The following SH2D3A variants were observed in gnomAD, a reference collection of about 807,000 sequenced individuals.
The protein encoded by SH2D3A is SH2 domain-containing protein 3A.
A neutral mutation model predicts 50.6 loss-of-function variants in SH2D3A; 46 were observed. That is an observed-to-expected ratio of 0.91 (90% CI 0.72 to 1.16). The LOEUF (loss-of-function observed/expected upper bound fraction) is 1.16. SH2D3A is among the 50% of genes most tolerant of loss of function. The probability of loss-of-function intolerance (pLI) is 0.00; values close to 1 mark genes in which losing one functional copy is unlikely to be tolerated. For synonymous variants in SH2D3A, 377 were observed against 348.4 expected (o/e 1.08, Z -0.91); for missense variants, 783 against 786.2 (o/e 1.00, Z 0.05).
rs568064266 is a variant in SH2D3A, at chr19:6,753,482, C to A, written c.1544G>T (p.Arg515Leu). The stretch of plus-strand genomic sequence containing the variant: ...TCGCAGGCGCTGGGCTGCCACCTTG[C>A]GGAATTTGGGTGCGTCCCGGACCAT... ...RHMVRDAPKF[R>L]KVAAQRLRGF... The change falls in exon 9 of 10, where the codon CGC (arginine) becomes CTC (leucine). Residue 515 changes from arginine (R) to leucine (L), a missense_variant. Coordinates refer to ENST00000245908, the MANE Select transcript of SH2D3A (RefSeq NM_005490.3). 5.2e-6 allele frequency: 8 copies of A among 1,526,876 alleles called. No homozygotes were observed. The highest frequency in any genetic ancestry group is 7.1e-6 in the Non-Finnish European group (8 of 1,131,914). 94.6% of individuals were successfully genotyped at this position (1,526,876 alleles called of 1,614,324 possible).
rs774107336 is a variant in SH2D3A, at chr19:6,755,123, G to A, written c.689C>T (p.Thr230Met). The change falls in exon 5 of 10, where the codon ACG becomes ATG. Residue 230 changes from threonine to methionine, a missense_variant. Thr to Met is a moderately conservative substitution (Grantham distance 81). Coordinates refer to ENST00000245908, the MANE Select transcript of SH2D3A (RefSeq NM_005490.3). ...CACTCGGGGCACCAGCTCGCAGTAC[G>A]TCGGGGGACGTTCAGAGGCATCAGG... ...ELPDASERPP[T>M]YCELVPRVPS... The A allele has an allele frequency of 3.7e-6, 6 of 1,613,908 alleles. No individual in the cohort carries two copies. Among genetic ancestry groups the A allele is most frequent in the East Asian group, 2.2e-5 (1 of 44,850 alleles).
intron 2 of SH2D3A, among the ~76,000 whole-genome samples, chr19:6,761,965 CA>C (rs759411762): frequency 1.1e-3 from 111 of 101,590 alleles, no homozygotes; most frequent in Admixed American, 1.7e-3. Flanking sequence ...AAAAAAAAAA[CA>C]AAAAAAAAAA....
Position 6,759,621 on chromosome 19 carries a change from G to T in SH2D3A, c.469C>A (p.Arg157=). Residue 157 remains arginine, a synonymous_variant, in exon 4 of 10, where the codon CGG becomes AGG. Transcript: ENST00000245908. ...SQPADLAHMG[R]SREDPAGMEA... is the part of the protein sequence containing the mutation. ...ATCCCAGCGGGGTCTTCTCTTGACC[G>T]CCCCATATGTGCCAAATCTGCAGGC... The T allele has an allele frequency of 6.2e-7, 1 of 1,613,822 alleles. No individual in the cohort carries two copies. Among genetic ancestry groups the T allele is most frequent in the Non-Finnish European group, 8.5e-7 (1 of 1,179,854 alleles).
chr19:6,752,423 T>C lies in SH2D3A; in HGVS notation c.*170A>G, dbSNP rs1054060. On this transcript the variant is annotated 3_prime_UTR_variant, in exon 10 of 10. Coordinates refer to ENST00000245908, the MANE Select transcript of SH2D3A (RefSeq NM_005490.3). ...TGGCCTCTGATGCCAGATCTGCAGG[T>C]CACATGTTCACCATGGTCCAGGTGA... The C allele has an allele frequency of 0.21, 103,999 of 495,044 alleles. 11,797 individuals are homozygous for C. Among genetic ancestry groups the C allele is most frequent in the African/African-American group, 0.36 (18,249 of 50,896 alleles). The allele number at this position is 495,044 out of a possible 1,614,324, so 30.7% of individuals were successfully genotyped here.
intron 2 of SH2D3A, among the ~76,000 whole-genome samples, chr19:6,763,118 C>T (rs1345933131): frequency 6.6e-6 from 1 of 151,866 alleles, no homozygotes; most frequent in Admixed American, 6.6e-5. Context: ...GTCTGGAGTG[C>T]AGTGGCACAA....
At chr19:6,761,956 AAAAAAAAAC>A (rs576720738) in intron 2 of SH2D3A, among the ~76,000 whole-genome samples, 14,846 of 140,986 alleles carry the variant, frequency 0.11, 766 homozygotes, top group African/African-American at 0.16. Flanking sequence ...CTCAAAAACA[AAAAAAAAAC>A]AAAAAAAAAA....
intron 4 of SH2D3A, among the ~76,000 whole-genome samples, chr19:6,755,751 G>A (rs1371662902): frequency 1.3e-5 from 2 of 151,918 alleles, no homozygotes; most frequent in African/African-American, 4.8e-5. Flanking sequence ...CTGACTGAAA[G>A]ATGGTAAGCA....
chr19:6,760,750 A>T lies in SH2D3A; in HGVS notation c.307T>A (p.Ser103Thr), dbSNP rs1969966397. The T allele has an allele frequency of 1.2e-6, 2 of 1,613,900 alleles. No individual in the cohort carries two copies. Among genetic ancestry groups the T allele is most frequent in the African/African-American group, 2.7e-5 (2 of 74,926 alleles). Residue 103 changes from serine to threonine, a missense_variant, in exon 3 of 10, where the codon TCC (serine) becomes ACC (threonine). Physicochemically the swap from Ser to Thr is moderately conservative, Grantham distance 58. Coordinates refer to ENST00000245908, the MANE Select transcript of SH2D3A (RefSeq NM_005490.3). ...GAGACCACAGCCCCTGTGGCCTGGG[A>T]CAGTGGGCGCCTGCCTGTCATATAA... ...HSYMTGRRPLSQATGAVVSRP... is the reference protein window; with the variant it reads ...HSYMTGRRPLTQATGAVVSRP...
In SH2D3A at chr19:6,753,622, C is replaced by T. The variant is rs1969457839; in HGVS notation, c.1404G>A (p.Glu468=). 1 of 1,583,770 alleles carries T rather than the reference C, an allele frequency of 6.3e-7. No homozygotes were observed. Among genetic ancestry groups the T allele is most frequent in the East Asian group, 2.3e-5 (1 of 44,094 alleles). Residue 468 remains glutamate (E), a synonymous_variant, in exon 9 of 10, where the codon GAG becomes GAA. Transcript: ENST00000245908. ...TGGGTGCCACGTGCGGCAGCGCCAC[C>T]TCGCCGGGGTCGCAGGGTCCTGCGG... The part of the protein sequence containing the change: ...DEGAGPCDPG[E]VALPHVAPMV...
chr19:6,766,669 T>C (rs1416407549), intron 1 of SH2D3A, among the ~76,000 whole-genome samples: 2 of 152,022 alleles, frequency 1.3e-5, no homozygotes, highest in Non-Finnish European at 2.9e-5. Flanking sequence ...ACTAAGGAGA[T>C]TAAAGCTCGG....
Position 6,760,779 on chromosome 19 carries a change from T to C in SH2D3A, c.278A>G (p.His93Arg). 6.2e-7 allele frequency: 1 copy of C among 1,614,176 alleles called. No homozygotes were observed. Among genetic ancestry groups the C allele is most frequent in the Non-Finnish European group, 8.5e-7 (1 of 1,180,034 alleles). The change falls in exon 3 of 10, where the codon CAC (histidine) becomes CGC (arginine). Residue 93 changes from histidine to arginine, a missense_variant. Transcript: ENST00000245908. ...EQFPSIPALV[H>R]SYMTGRRPLS... ...TGGGCGCCTGCCTGTCATATAACTG[T>C]GAACCAGAGCCGGTATGCTGGGGAA...
intron 1 of SH2D3A, among the ~76,000 whole-genome samples, chr19:6,766,746 A>G (rs961665420): frequency 6.6e-6 from 1 of 152,226 alleles, no homozygotes; most frequent in Non-Finnish European, 1.5e-5. Flanking sequence ...CACAAGATGA[A>G]TGGAGAAGAC....
intron 4 of SH2D3A, 60 bp downstream of exon 4, chr19:6,759,534 C>A (rs1027700651): frequency 6.7e-7 from 1 of 1,499,900 alleles, no homozygotes; most frequent in African/African-American, 1.4e-5. Flanking sequence ...ACCAAGATCT[C>A]TTAGGTGGTG....
chr19:6,755,813 CG>C (rs1969635257), intron 4 of SH2D3A, among the ~76,000 whole-genome samples: 1 of 151,516 alleles, frequency 6.6e-6, no homozygotes, highest in Non-Finnish European at 1.5e-5. Flanking sequence ...GCGTGGTGGC[CG>C]ACGCCTGTAA....
chr19:6,753,312 T>C (rs1204557626), intron 9 of SH2D3A, 144 bp downstream of exon 9: 8 of 1,395,822 alleles, frequency 5.7e-6, no homozygotes, highest in Non-Finnish European at 7.4e-6. Flanking sequence ...AGAACCTTCC[T>C]GGAGTGGAGC....
At chr19:6,764,760 C>T (rs1426822207) in intron 1 of SH2D3A, among the ~76,000 whole-genome samples, 1 of 151,698 alleles carries the variant, frequency 6.6e-6, no homozygotes, top group African/African-American at 2.4e-5. Flanking sequence ...GGCTGGACTG[C>T]AGTGGTGCAA....
chr19:6,753,769 A>G (rs909133768), intron 8 of SH2D3A, 128 bp from the exon 9 acceptor site: 1 of 1,051,790 alleles, frequency 9.5e-7, no homozygotes, highest in Non-Finnish European at 1.3e-6. Flanking sequence ...GAGAGGGGCC[A>G]GGACCACACG....
At position 6,763,679 on chromosome 19, in the gene SH2D3A, C is replaced by T. The variant is rs371724386; in HGVS notation, c.69+1G>A. ...TGCTGAGGTCCTGCTGTGGGTGGTA[C>T]CTGGCGGGACAGGAGGCCGTGGTAC... On this transcript the variant is annotated splice_donor_variant, in intron 2 of 9. Coordinates refer to ENST00000245908, the MANE Select transcript of SH2D3A (RefSeq NM_005490.3). LOFTEE classifies it high-confidence loss of function. 5 of 1,612,044 alleles carry T rather than the reference C, an allele frequency of 3.1e-6. No individual in the cohort carries two copies. The highest frequency in any genetic ancestry group is 4.2e-6 in the Non-Finnish European group (5 of 1,179,446).
At chr19:6,762,197 C>G (rs1306503663) in intron 2 of SH2D3A, among the ~76,000 whole-genome samples, 2 of 151,762 alleles carry the variant, frequency 1.3e-5, no homozygotes, top group Non-Finnish European at 2.9e-5. Context: ...TGTTGTTGTT[C>G]TTTGGGACGG....
Sources: allele counts gnomAD v4.1 joint callset (sites outside exome capture counted in the v4.1 genomes callset), GRCh38; gene constraint gnomAD v4.1.1; transcripts MANE v1.5; gene names NCBI Gene and HGNC (gene_info 2026-07-23, HGNC 2026-07-21).